The following MEGF6 variants were observed in gnomAD, a reference collection of about 807,000 sequenced individuals.
MEGF6 encodes the protein multiple EGF like domains 6.
A neutral mutation model predicts 207.1 loss-of-function variants in MEGF6; 184 were observed. The observed-to-expected ratio is 0.89, with a 90% CI of 0.79 to 1.00. The LOEUF is 1.00. Among genes scored for constraint, MEGF6 ranks in the 50% least tolerant of loss-of-function variants. The pLI is 0.00. For synonymous variants in MEGF6, 1,038 were observed against 910.0 expected, an observed-to-expected ratio of 1.14 and a Z score of -2.53; for missense variants, 2,282 against 2,202.9, an observed-to-expected ratio of 1.04 and a Z score of -0.72.
intron 4 of MEGF6, among the ~76,000 whole-genome samples, chr1:3,552,688 A>G (rs1249470823): frequency 6.6e-6 from 1 of 152,136 alleles, no homozygotes; most frequent in Non-Finnish European, 1.5e-5. Context: ...GCAAAGCAAG[A>G]TTCTGTCTCT....
At chr1:3,503,603 G>A (rs1294674284) in intron 17 of MEGF6, among the ~76,000 whole-genome samples, 1 of 152,150 alleles carries the variant, frequency 6.6e-6, no homozygotes, top group Non-Finnish European at 1.5e-5. Flanking sequence ...ACTGGAAGGA[G>A]GGTCACAGGC....
At chr1:3,618,939 C>T in the MEGF6 span, among the ~76,000 whole-genome samples, 85 of 152,360 alleles carry the variant, frequency 5.6e-4, no homozygotes, top group Admixed American at 2.0e-3. This position sits in a 1 kb window ranked among gnomAD's most constrained non-coding sequence, Gnocchi z 4.7. Flanking sequence ...GGACACAAAC[C>T]CTTGGGCTGC....
In MEGF6 at chr1:3,495,547, C is replaced by T. The variant is rs116217908; in HGVS notation, c.3871+343G>A. ...ACTCCACCCTCGGGCAGAAGACAGC[C>T]ACCCAATCCCTTCTGCAAGGGGCCA... On this transcript the variant is annotated intron_variant, in intron 30 of 36. Transcript: ENST00000356575. 7.1e-3 allele frequency among the ~76,000 whole-genome samples: 1,081 copies of T among 152,346 alleles called. 12 individuals carry two copies. Among genetic ancestry groups the T allele is most frequent in the African/African-American group, 0.025 (1,044 of 41,576 alleles).
In MEGF6 at chr1:3,505,596, G is replaced by A. The variant is rs763188796; in HGVS notation, c.1919-40C>T. 29 of 1,512,830 alleles carry A rather than the reference G, an allele frequency of 1.9e-5. No individual in the cohort carries two copies. The East Asian group carries it at 6.1e-4, about 32-fold the overall frequency. 93.7% of individuals were successfully genotyped at this position (1,512,830 alleles called of 1,614,324 possible). On this transcript the variant is annotated intron_variant, in intron 15 of 36. Coordinates refer to ENST00000356575, the MANE Select transcript of MEGF6 (RefSeq NM_001409.4). Reference sequence around the variant, plus strand: ...CCGTTGAGGGGGGCTCCCGTCTGAAGCCCCACCCTCCCAGACCGCTTCCAC... The same window carrying A: ...CCGTTGAGGGGGGCTCCCGTCTGAAACCCCACCCTCCCAGACCGCTTCCAC...
At chr1:3,537,764 G>A (rs185288594) in intron 4 of MEGF6, among the ~76,000 whole-genome samples, 239 of 152,350 alleles carry the variant, frequency 1.6e-3, no homozygotes, top group African/African-American at 5.3e-3. Flanking sequence ...CCTGGCCTGG[G>A]GTCTGGATGG....
At chr1:3,568,283 A>G (rs745621636) in intron 4 of MEGF6, among the ~76,000 whole-genome samples, 5 of 152,152 alleles carry the variant, frequency 3.3e-5, no homozygotes, top group Non-Finnish European at 7.4e-5. Context: ...CAGTGCACCC[A>G]GTGTGTGCTT....
chr1:3,507,963 G>A (rs373633361), intron 13 of MEGF6, 40 bp from the exon 14 acceptor site: 1 of 1,594,270 alleles, frequency 6.3e-7, no homozygotes, highest in African/African-American at 1.3e-5. Context: ...TCACCAGCCA[G>A]CACGACACTC....
At chr1:3,618,435 C>G in the MEGF6 span, among the ~76,000 whole-genome samples, 1 of 152,238 alleles carries the variant, frequency 6.6e-6, no homozygotes, top group African/African-American at 2.4e-5. This position sits in a 1 kb window ranked among gnomAD's most constrained non-coding sequence, Gnocchi z 4.7. Flanking sequence ...GGGCCCCACA[C>G]GGCGAGGGGC....
chr1:3,580,658 ACCGGGT>A (rs1643774412), intron 3 of MEGF6, among the ~76,000 whole-genome samples: 1 of 150,958 alleles, frequency 6.6e-6, no homozygotes, highest in Non-Finnish European at 1.5e-5. Flanking sequence ...CCCAGGCTGG[ACCGGGT>A]GCCCCCCGGG....
intron 12 of MEGF6, among the ~76,000 whole-genome samples, 183 bp from the exon 13 acceptor site, chr1:3,508,872 T>C (rs969714963): frequency 4.6e-5 from 7 of 152,166 alleles, no homozygotes; most frequent in African/African-American, 1.7e-4. Context: ...CTGGAAGCTG[T>C]GAGCCCGGTC....
At position 3,510,785 on chromosome 1, in the gene MEGF6, T is replaced by C; in HGVS notation, c.1232A>G (p.Glu411Gly). ...TGCAGTGGCAGGGCAGTGCTCACCCTCACAGCCGCAGCCATCGGCACTGAG... is the reference window on the plus strand; with the variant it reads ...TGCAGTGGCAGGGCAGTGCTCACCCCCACAGCCGCAGCCATCGGCACTGAG... The part of the protein sequence containing the change: ...YRLSADGCGC[E>G]DVDECASSRG... Residue 411 changes from glutamate (E) to glycine (G), a missense_variant and splice_region_variant, in exon 10 of 37, where the codon GAG becomes GGG. Coordinates refer to ENST00000356575, the MANE Select transcript of MEGF6 (RefSeq NM_001409.4). 1 of 1,601,104 alleles carries C rather than the reference T, an allele frequency of 6.2e-7. No individual in the cohort carries two copies. The highest frequency in any genetic ancestry group is 8.5e-7 in the Non-Finnish European group (1 of 1,171,616).
rs1159728180 is a variant in MEGF6, at chr1:3,493,799, T to A, written c.4359A>T (p.Pro1453=). 3 of 1,611,792 alleles carry A rather than the reference T, an allele frequency of 1.9e-6. No homozygotes were observed. The East Asian group carries it at 6.7e-5, about 36-fold the overall frequency. The change falls in exon 34 of 37, where the codon CCA becomes CCT. Residue 1453 remains proline, a synonymous_variant. Transcript: ENST00000356575. ...DPVTGLCLCP[P]GRSGATCNLD... Reference sequence around the variant, plus strand: ...GGTTACAGGTGGCTCCTGAGCGCCCTGGTGGGCAAAGGCAGAGACCGGTGA... The same window carrying A: ...GGTTACAGGTGGCTCCTGAGCGCCCAGGTGGGCAAAGGCAGAGACCGGTGA...
At chr1:3,564,792 G>A (rs549114786) in intron 4 of MEGF6, among the ~76,000 whole-genome samples, 6 of 152,116 alleles carry the variant, frequency 3.9e-5, no homozygotes, top group East Asian at 1.9e-4. Flanking sequence ...AGCTGGGGAC[G>A]GGCCCCCTTC....
At chr1:3,609,950 C>T (rs1644303346) in intron 1 of MEGF6, among the ~76,000 whole-genome samples, 1 of 152,232 alleles carries the variant, frequency 6.6e-6, no homozygotes, top group Non-Finnish European at 1.5e-5. Flanking sequence ...CCCCTGGAAG[C>T]CCCTGGCTGG....
At chr1:3,610,666 CAT>C (rs1273374226) in intron 1 of MEGF6, among the ~76,000 whole-genome samples, 2 of 152,268 alleles carry the variant, frequency 1.3e-5, no homozygotes, top group African/African-American at 2.4e-5. Context: ...CCAAAGCACA[CAT>C]GTTTACCACA....
intron 4 of MEGF6, among the ~76,000 whole-genome samples, chr1:3,569,947 T>C (rs1643450129): frequency 6.6e-6 from 1 of 152,186 alleles, no homozygotes; most frequent in Non-Finnish European, 1.5e-5. Flanking sequence ...AGGATAGCAT[T>C]ATCCCAGGAG....
intron 4 of MEGF6, among the ~76,000 whole-genome samples, chr1:3,570,104 G>T (rs1379312147): frequency 6.6e-6 from 1 of 152,228 alleles, no homozygotes; most frequent in African/African-American, 2.4e-5. Context: ...AGTCTCCCCA[G>T]CTGTCCTGTC....
Position 3,499,165 on chromosome 1 carries a change from C to T in MEGF6, c.3067G>A (p.Gly1023Ser). 2 of 1,604,384 alleles carry T rather than the reference C, an allele frequency of 1.2e-6. No homozygotes were observed. The highest frequency in any genetic ancestry group is 1.7e-6 in the Non-Finnish European group (2 of 1,176,832). ...TGCAGGCAGGAGGGCCCCATCCAGC[C>T]AGGGGCACAGTGGCACTGCCCGTGG... is the stretch of plus-strand genomic sequence containing the variant. ...PVHGQCHCAP[G>S]WMGPSCLQAC... Residue 1023 changes from glycine (G) to serine (S), a missense_variant, in exon 24 of 37, where the codon GGC (glycine) becomes AGC (serine). Coordinates refer to ENST00000356575, the MANE Select transcript of MEGF6 (RefSeq NM_001409.4).
At chr1:3,550,227 C>A (rs1004795689) in intron 4 of MEGF6, among the ~76,000 whole-genome samples, 8 of 152,200 alleles carry the variant, frequency 5.3e-5, no homozygotes, top group Non-Finnish European at 1.0e-4. Flanking sequence ...GGTGTGTGCA[C>A]ACGCTCACAG....
Sources: gnomAD v4.1 joint callset for allele counts (sites outside exome capture counted in the v4.1 genomes callset) on GRCh38, gnomAD v4.1.1 for gene constraint, Gnocchi (gnomAD v3.1) non-coding constraint, MANE v1.5 for transcripts, NCBI Gene and HGNC (gene_info 2026-07-23, HGNC 2026-07-21) for gene names.